Variants in FUOM observed in about 807,000 individuals in gnomAD.
The protein encoded by FUOM is protein fucU homolog.
In FUOM, 19 loss-of-function variants were observed where a neutral mutation model predicts 18.3. That is an observed-to-expected ratio of 1.04 (90% confidence interval 0.73 to 1.53). The LOEUF (loss-of-function observed/expected upper bound fraction) is 1.53. Among genes scored for constraint, FUOM ranks in the 40% most tolerant of loss-of-function variants. FUOM has a pLI of 0.00. For missense variants in FUOM, 210 were observed against 200.9 expected (o/e 1.04, Z -0.27); for synonymous variants, 102 against 87.9 (o/e 1.16, Z -0.90).
chr10:133,355,223 C>A lies in FUOM; in HGVS notation c.*147G>T. The A allele has an allele frequency of 1.3e-6, 1 of 790,638 alleles. No individual in the cohort carries two copies. The highest frequency in any genetic ancestry group is 2.0e-6 in the Non-Finnish European group (1 of 510,668). The allele number at this position is 790,638 out of a possible 1,614,324, so 49.0% of individuals were successfully genotyped here. Reference sequence around the variant, plus strand: ...AATCAGGGATACTCGTCCCAATTGGCAGGGCCCACCCCAAGACTGCCGGCC... The same window carrying A: ...AATCAGGGATACTCGTCCCAATTGGAAGGGCCCACCCCAAGACTGCCGGCC... On this transcript the variant is annotated 3_prime_UTR_variant, in exon 6 of 6. Transcript: ENST00000278025.
At chr10:133,355,955 G>A (rs1429909131) in intron 4 of FUOM, 144 bp from the exon 5 acceptor site, 13 of 731,068 alleles carry the variant, frequency 1.8e-5, no homozygotes, top group East Asian at 5.0e-5. Context: ...AGGGCCCCAC[G>A]GTCACTCAGC....
At chr10:133,356,066 C>T (rs1316998186) in intron 4 of FUOM, among the ~76,000 whole-genome samples, 1 of 152,216 alleles carries the variant, frequency 6.6e-6, no homozygotes, top group Non-Finnish European at 1.5e-5. Context: ...CCAGACAGCT[C>T]AGTAGACTGT....
downstream of FUOM, among the ~76,000 whole-genome samples, chr10:133,352,878 C>A (rs1017151564): frequency 6.6e-6 from 1 of 152,242 alleles, no homozygotes; most frequent in Admixed American, 6.5e-5. Context: ...AGGCCACATG[C>A]CCCAGAAGAC....
At chr10:133,354,226 C>T (rs1319798751), downstream of FUOM, among the ~76,000 whole-genome samples, 2 of 152,124 alleles carry the variant, frequency 1.3e-5, no homozygotes, top group East Asian at 1.9e-4. Flanking sequence ...CAGGCAAGTG[C>T]GAGGCCCCTG....
At chr10:133,355,884 G>A (rs1848779083) in intron 4 of FUOM, 73 bp from the exon 5 acceptor site, 1 of 1,279,754 alleles carries the variant, frequency 7.8e-7, no homozygotes, top group Non-Finnish European at 1.1e-6. Context: ...GGACTCCCCA[G>A]GGCCCAAAGC....
At chr10:133,357,318 C>G in intron 1 of FUOM, 63 bp from the exon 2 acceptor site, 4 of 1,471,548 alleles carry the variant, frequency 2.7e-6, no homozygotes, top group Non-Finnish European at 3.7e-6. Context: ...CGGCGCCGCC[C>G]GTCCTCCCAC....
At chr10:133,357,034 C>A (rs766838181) in intron 2 of FUOM, 21 bp from the exon 3 acceptor site, 1 of 1,548,928 alleles carries the variant, frequency 6.5e-7, no homozygotes, top group Non-Finnish European at 8.7e-7. Flanking sequence ...GAGGAGGCAG[C>A]ACTCAGTCTC....
Position 133,355,831 on chromosome 10 carries a change from G to A in FUOM, c.325-20C>T. The A allele has an allele frequency of 6.2e-7, 1 of 1,606,620 alleles. No homozygotes were observed. The highest frequency in any genetic ancestry group is 8.5e-7 in the Non-Finnish European group (1 of 1,174,300). On this transcript the variant is annotated intron_variant, in intron 4 of 5. Coordinates refer to ENST00000278025, the MANE Select transcript of FUOM (RefSeq NM_001098483.3). Reference sequence around the variant, plus strand: ...GGCTCTCTGGAAGACAAAATGGCAGGGTTGGAGGGAACCCTGCCAAGAAAC... The same window carrying A: ...GGCTCTCTGGAAGACAAAATGGCAGAGTTGGAGGGAACCCTGCCAAGAAAC...
rs372410658 is a variant in FUOM at position 133,355,430 on chromosome 10, C to T, written c.405G>A (p.Thr135=). The T allele has an allele frequency of 5.0e-5, 81 of 1,609,850 alleles. No individual in the cohort carries two copies. Among genetic ancestry groups the T allele is most frequent in the African/African-American group, 8.0e-5 (6 of 74,864 alleles). ...TGAGGATGAGGTTTCCGTAGAGGGC[C>T]GTCTCCCTGCAGAGGAGCCAAGCCC... is the stretch of plus-strand genomic sequence containing the variant. ...KAFAVVATGE[T]ALYGNLILRK... is the part of the protein sequence containing the mutation. Residue 135 remains threonine, a synonymous_variant, in exon 6 of 6, where the codon ACG becomes ACA. Transcript: ENST00000278025.
At chr10:133,357,291 A>G (rs1267277378) in intron 1 of FUOM, 36 bp from the exon 2 acceptor site, 1 of 1,551,084 alleles carries the variant, frequency 6.4e-7, no homozygotes, top group Non-Finnish European at 8.7e-7. Context: ...GTCGGCACCT[A>G]TCCCTGCCCT....
intron 1 of FUOM, 118 bp from the exon 2 acceptor site, chr10:133,357,373 G>C: frequency 9.9e-7 from 1 of 1,014,892 alleles, no homozygotes; most frequent in East Asian, 2.6e-5. Context: ...TCTCAGGTCA[G>C]CCAGTTGGGC....
Position 133,355,299 on chromosome 10 carries a change from GT to G in FUOM, c.*70del. The G allele has an allele frequency of 6.6e-7, 1 of 1,510,286 alleles. No individual in the cohort carries two copies. Among genetic ancestry groups the G allele is most frequent in the Non-Finnish European group, 8.9e-7 (1 of 1,129,434 alleles). 93.6% of individuals were successfully genotyped at this position (1,510,286 alleles called of 1,614,324 possible). ...TCTGGGAGCTGCCACTGGGAGGCCT[GT>G]TGTGAGTGGTGGTACTGGAGCTCAG... On this transcript the variant is annotated 3_prime_UTR_variant, in exon 6 of 6. Transcript: ENST00000278025.
At chr10:133,355,902 G>T in intron 4 of FUOM, 91 bp from the exon 5 acceptor site, 1 of 1,054,192 alleles carries the variant, frequency 9.5e-7, no homozygotes, top group Non-Finnish European at 1.5e-6. Context: ...AGCAGGGAGG[G>T]CACCAGGAAG....
chr10:133,357,283 C>G (rs377008427), intron 1 of FUOM, 28 bp from the exon 2 acceptor site: 2 of 1,556,396 alleles, frequency 1.3e-6, no homozygotes, highest in East Asian at 4.9e-5. Flanking sequence ...CAGCCCGTGT[C>G]GGCACCTATC....
chr10:133,354,286 T>A (rs755742883), downstream of FUOM, among the ~76,000 whole-genome samples: 1 of 152,170 alleles, frequency 6.6e-6, no homozygotes, highest in Non-Finnish European at 1.5e-5. Flanking sequence ...GGCTACCATC[T>A]GGGAGCAGCA....
chr10:133,357,107 G>C (rs1363020411), intron 2 of FUOM, 80 bp downstream of exon 2: 2 of 1,538,214 alleles, frequency 1.3e-6, no homozygotes, highest in East Asian at 2.5e-5. Flanking sequence ...TTGGGGCCAC[G>C]GCAGGCCACA....
At position 133,356,699 on chromosome 10, in the gene FUOM, C is replaced by G. The variant is rs1360433360; in HGVS notation, c.265G>C (p.Gly89Arg). ...MELVPSDKER[G>R]LQTPVWTEYE... Reference sequence around the variant, plus strand: ...TCCGTCCACACTGGGGTCTGCAGGCCCCTCTCCTTGTCGCTGGGCACCAGC... The same window carrying G: ...TCCGTCCACACTGGGGTCTGCAGGCGCCTCTCCTTGTCGCTGGGCACCAGC... Residue 89 changes from glycine (G) to arginine (R), a missense_variant, in exon 4 of 6, where the codon GGC (glycine) becomes CGC (arginine). By Grantham distance (125) the Gly-to-Arg change is moderately radical (BLOSUM62 -2). Transcript: ENST00000278025. 3 of 1,599,828 alleles carry G rather than the reference C, an allele frequency of 1.9e-6. No homozygotes were observed. The highest frequency in any genetic ancestry group is 2.6e-6 in the Non-Finnish European group (3 of 1,172,328).
chr10:133,353,013 G>C (rs1054283640), downstream of FUOM, among the ~76,000 whole-genome samples: 2 of 152,172 alleles, frequency 1.3e-5, no homozygotes, highest in Admixed American at 6.5e-5. Context: ...GGGATGGTGA[G>C]GGGTGTGGCA....
downstream of FUOM, among the ~76,000 whole-genome samples, chr10:133,353,331 G>A (rs1848712671): frequency 1.3e-5 from 2 of 152,204 alleles, no homozygotes. Context: ...TGCAGCGCAG[G>A]TCCAGGCTGC....
Sources: gnomAD v4.1 joint callset for allele counts (sites outside exome capture counted in the v4.1 genomes callset) on GRCh38, gnomAD v4.1.1 for gene constraint, MANE v1.5 for transcripts, NCBI Gene and HGNC (gene_info 2026-07-23, HGNC 2026-07-21) for gene names.